Variants in SV2C observed in about 807,000 individuals in gnomAD.
SV2C encodes synaptic vesicle glycoprotein 2C, also known as solute carrier family 22 member B3.
A neutral mutation model predicts 79.7 loss-of-function variants in SV2C; 49 were observed. The observed-to-expected ratio is 0.61, with a 90% confidence interval of 0.49 to 0.78. The LOEUF is 0.78. SV2C is among the 30% of genes least tolerant of loss of function. The probability of loss-of-function intolerance (pLI) is 0.00; values close to 1 mark genes in which losing one functional copy is unlikely to be tolerated. For missense variants in SV2C, 833 were observed against 912.9 expected (o/e 0.91, Z 1.13); for synonymous variants, 334 against 333.2 (o/e 1.00, Z -0.03).
chr5:76,077,108 G>T, the SV2C span, among the ~76,000 whole-genome samples: 1 of 152,228 alleles, frequency 6.6e-6, no homozygotes, highest in African/African-American at 2.4e-5. Context: ...ATCAACAACT[G>T]CTAACATCAC....
At chr5:76,348,223 G>T (rs577328437) in intron 12 of SV2C, among the ~76,000 whole-genome samples, 13 of 152,064 alleles carry the variant, frequency 8.5e-5, no homozygotes, top group African/African-American at 3.1e-4. Context: ...TGCATATAAG[G>T]TTCCTCCATG....
intron 1 of SV2C, among the ~76,000 whole-genome samples, chr5:76,121,142 C>G (rs373206647): frequency 0.041 from 6,046 of 148,704 alleles, 366 homozygotes; most frequent in African/African-American, 0.14. Context: ...TTTTTCATGT[C>G]TTTTTTGGCT....
intron 10 of SV2C, 98 bp from the exon 11 acceptor site, chr5:76,300,631 A>G: frequency 7.7e-7 from 1 of 1,296,846 alleles, no homozygotes; most frequent in Non-Finnish European, 1.1e-6. Context: ...CAAGGAATTT[A>G]CAATACTGGT....
chr5:75,949,787 G>T, the SV2C span, among the ~76,000 whole-genome samples: 3 of 151,996 alleles, frequency 2.0e-5, no homozygotes, highest in Non-Finnish European at 4.4e-5. Flanking sequence ...ACCCAGTCTC[G>T]GATATGTCTT....
intron 2 of SV2C, among the ~76,000 whole-genome samples, chr5:76,144,841 T>TG (rs1420628342): frequency 2.6e-5 from 4 of 152,210 alleles, no homozygotes; most frequent in Non-Finnish European, 1.5e-5. Flanking sequence ...TTTTGTTTTT[T>TG]GTTTTTTTAG....
At chr5:76,010,587 G>T in the SV2C span, among the ~76,000 whole-genome samples, 1 of 151,890 alleles carries the variant, frequency 6.6e-6, no homozygotes, top group Non-Finnish European at 1.5e-5. Flanking sequence ...GGGGAAAAAA[G>T]GATATTAAAT....
the SV2C span, among the ~76,000 whole-genome samples, chr5:75,855,145 T>C: frequency 6.6e-6 from 1 of 152,170 alleles, no homozygotes; most frequent in Non-Finnish European, 1.5e-5. Flanking sequence ...CCTCAATTTC[T>C]AGAAAAATTC....
chr5:75,894,640 G>C, the SV2C span, among the ~76,000 whole-genome samples: 1 of 152,052 alleles, frequency 6.6e-6, no homozygotes, highest in Non-Finnish European at 1.5e-5. Flanking sequence ...TTCTCCGGGA[G>C]GATTTGTCAA....
At chr5:75,927,349 C>T in the SV2C span, among the ~76,000 whole-genome samples, 5 of 152,012 alleles carry the variant, frequency 3.3e-5, no homozygotes, top group African/African-American at 7.2e-5. Flanking sequence ...TTTTTGATAA[C>T]ATATGTGAAC....
chr5:76,002,869 T>G, the SV2C span, among the ~76,000 whole-genome samples: 6 of 152,032 alleles, frequency 3.9e-5, no homozygotes, highest in East Asian at 5.8e-4. Context: ...GTGCGTGTGT[T>G]TTTTTTAAAA....
At chr5:76,173,930 G>C (rs1260040196) in intron 2 of SV2C, 17 of 1,581,870 alleles carry the variant, frequency 1.1e-5, no homozygotes, top group Non-Finnish European at 1.2e-5. Flanking sequence ...GGACTGTGCT[G>C]TGATGGAATA....
At chr5:76,022,285 T>TGACAGATGCCAGGAGAACAG in the SV2C span, among the ~76,000 whole-genome samples, 1 of 152,188 alleles carries the variant, frequency 6.6e-6, no homozygotes, top group Non-Finnish European at 1.5e-5. Flanking sequence ...TGCCCATGAG[T>TGACAGATGCCAGGAGAACAG]GACAGATGCC....
Position 76,289,144 on chromosome 5 carries a change from C to T in SV2C, c.1138-2077C>T, listed in dbSNP as rs140769585. Reference sequence around the variant, plus strand: ...TCAAGTGATCCTTCTGCCTCAGCCTCGCAAAGGGCTGGAATTGCAGATGTG... The same window carrying T: ...TCAAGTGATCCTTCTGCCTCAGCCTTGCAAAGGGCTGGAATTGCAGATGTG... On this transcript the variant is annotated intron_variant, in intron 6 of 12. Coordinates refer to ENST00000502798, the MANE Select transcript of SV2C (RefSeq NM_014979.4). Among the ~76,000 whole-genome samples the T allele has an allele frequency of 2.6e-3, 389 of 152,310 alleles. 2 individuals carry two copies. Among genetic ancestry groups the T allele is most frequent in the African/African-American group, 9.0e-3 (373 of 41,564 alleles).
chr5:75,906,979 G>A, the SV2C span, among the ~76,000 whole-genome samples: 4 of 152,322 alleles, frequency 2.6e-5, 1 homozygote, highest in Non-Finnish European at 4.4e-5. Context: ...TGTCAAGAGC[G>A]CTGATATTGA....
At chr5:76,109,767 C>G (rs1221405058) in intron 1 of SV2C, among the ~76,000 whole-genome samples, 1 of 152,134 alleles carries the variant, frequency 6.6e-6, no homozygotes, top group Non-Finnish European at 1.5e-5. Context: ...AAAGGGTTCT[C>G]TACAGGTGCC....
chr5:75,869,362 T>G, the SV2C span, among the ~76,000 whole-genome samples: 2 of 152,160 alleles, frequency 1.3e-5, no homozygotes, highest in African/African-American at 4.8e-5. Context: ...TCATTGGTAG[T>G]CTGGCAGTAT....
the SV2C span, among the ~76,000 whole-genome samples, chr5:75,996,172 G>C: frequency 1.3e-5 from 2 of 152,166 alleles, no homozygotes. Flanking sequence ...TAAGGTGTAA[G>C]GAAGGGATCC....
the SV2C span, among the ~76,000 whole-genome samples, chr5:75,850,347 G>A: frequency 6.6e-6 from 1 of 152,124 alleles, no homozygotes; most frequent in South Asian, 2.1e-4. Context: ...TCTGAGGCAA[G>A]TTAATTTTCT....
chr5:75,984,886 C>T, the SV2C span, among the ~76,000 whole-genome samples: 1 of 152,156 alleles, frequency 6.6e-6, no homozygotes, highest in East Asian at 1.9e-4. Flanking sequence ...AAAATAATCT[C>T]CTTTGCTTAC....
Sources: allele counts gnomAD v4.1 joint callset (sites outside exome capture counted in the v4.1 genomes callset), GRCh38; gene constraint gnomAD v4.1.1; transcripts MANE v1.5; gene names NCBI Gene and HGNC (gene_info 2026-07-23, HGNC 2026-07-21).